DGKI: variants seen among roughly 807,000 people sequenced by gnomAD.
DGKI encodes diacylglycerol kinase iota, also known as DAG kinase iota.
Under a neutral mutation model 147.5 loss-of-function variants are expected in DGKI, and 55 were observed. The observed-to-expected ratio is 0.37, with a 90% CI of 0.30 to 0.47. DGKI has a LOEUF of 0.47. Ranked by LOEUF, DGKI falls within the 20% of genes least tolerant of loss-of-function variation. DGKI has a pLI of 1.00. For synonymous variants in DGKI, 469 were observed against 477.1 expected (o/e 0.98, Z 0.22); for missense variants, 1,007 against 1,323.8 (o/e 0.76, Z 3.71).
At chr7:137,841,587 T>G (rs940679048) in intron 1 of DGKI, among the ~76,000 whole-genome samples, 2 of 152,226 alleles carry the variant, frequency 1.3e-5, no homozygotes, top group Admixed American at 6.5e-5. Context: ...CACATACCCA[T>G]GGAAGAAAGC....
intron 6 of DGKI, among the ~76,000 whole-genome samples, chr7:137,631,412 A>G (rs1290131132): frequency 6.6e-6 from 1 of 152,074 alleles, no homozygotes; most frequent in Non-Finnish European, 1.5e-5. Flanking sequence ...TACTACATCT[A>G]CTCTTCCCAG....
intron 1 of DGKI, among the ~76,000 whole-genome samples, chr7:137,839,144 C>T (rs183385668): frequency 7.2e-5 from 11 of 152,286 alleles, no homozygotes; most frequent in African/African-American, 2.4e-4. Flanking sequence ...CTGATTCCTC[C>T]GCACACTGAC....
intron 20 of DGKI, among the ~76,000 whole-genome samples, chr7:137,531,745 T>A (rs1313393254): frequency 2.0e-5 from 3 of 152,212 alleles, no homozygotes; most frequent in Non-Finnish European, 4.4e-5. Context: ...ACCGATAAAT[T>A]CACTTTCGTT....
At chr7:137,589,276 A>T (rs1189104442) in intron 12 of DGKI, among the ~76,000 whole-genome samples, 1 of 152,244 alleles carries the variant, frequency 6.6e-6, no homozygotes, top group Non-Finnish European at 1.5e-5. Flanking sequence ...TTTCTCCTCC[A>T]CAAAGGTGAC....
At chr7:137,533,340 C>G (rs1043443025) in intron 20 of DGKI, among the ~76,000 whole-genome samples, 1 of 151,676 alleles carries the variant, frequency 6.6e-6, no homozygotes, top group Middle Eastern at 3.4e-3. Flanking sequence ...GAAGGAGAAA[C>G]AAACACAAAA....
chr7:137,726,155 G>T (rs1388898631), intron 1 of DGKI, among the ~76,000 whole-genome samples: 3 of 152,028 alleles, frequency 2.0e-5, no homozygotes, highest in Non-Finnish European at 4.4e-5. Context: ...CTCAGGCAAT[G>T]GTCCTTTTCT....
intron 21 of DGKI, among the ~76,000 whole-genome samples, chr7:137,517,626 G>C (rs1448694786): frequency 6.6e-6 from 1 of 152,086 alleles, no homozygotes; most frequent in Non-Finnish European, 1.5e-5. Flanking sequence ...GAGAAAAACT[G>C]GGGGAGGAAT....
intron 14 of DGKI, among the ~76,000 whole-genome samples, chr7:137,584,061 A>G (rs1330747592): frequency 6.6e-6 from 1 of 152,160 alleles, no homozygotes; most frequent in East Asian, 1.9e-4. Flanking sequence ...ATGCTAATAA[A>G]TGGGTGTTGG....
intron 1 of DGKI, among the ~76,000 whole-genome samples, chr7:137,730,895 C>T (rs932187028): frequency 1.3e-5 from 2 of 152,048 alleles, no homozygotes; most frequent in African/African-American, 4.8e-5. Flanking sequence ...ACCTATCTCA[C>T]ACAAGTATCT....
intron 3 of DGKI, among the ~76,000 whole-genome samples, chr7:137,666,643 C>T (rs536729913): frequency 6.6e-6 from 1 of 152,278 alleles, no homozygotes; most frequent in South Asian, 2.1e-4. Flanking sequence ...TCAAATGATA[C>T]TAACAAACTG....
chr7:137,413,918 C>T (rs939607066), intron 28 of DGKI, among the ~76,000 whole-genome samples: 8 of 152,194 alleles, frequency 5.3e-5, no homozygotes, highest in African/African-American at 1.9e-4. Flanking sequence ...TAAGCATTCC[C>T]TTTTCCCCAC....
intron 30 of DGKI, among the ~76,000 whole-genome samples, chr7:137,400,877 G>T (rs1811727623): frequency 6.6e-6 from 1 of 152,190 alleles, no homozygotes; most frequent in Admixed American, 6.5e-5. Flanking sequence ...TCTGAACACT[G>T]GCCAAGAAGA....
At position 137,521,943 on chromosome 7, in the gene DGKI, A is replaced by G. The variant is rs749922562; in HGVS notation, c.2171T>C (p.Leu724Pro). ...ACTGATTTTGTTCACCCGGATCCTC[A>G]GACGATCTGGGACAGACTGGGGACT... ...LNDPQSVPDR[L>P]RIRVNKISLQ... is the part of the protein sequence containing the mutation. Residue 724 changes from leucine to proline, a missense_variant, in exon 21 of 33, where the codon CTG becomes CCG. Physicochemically the swap from Leu to Pro is moderately conservative, Grantham distance 98. This residue lies in a region of DGKI where 385 missense variants were observed against 445.2 expected (regional missense o/e 0.86). Coordinates refer to ENST00000614521, the MANE Select transcript of DGKI (RefSeq NM_001321708.2). 1.2e-6 allele frequency: 2 copies of G among 1,611,718 alleles called. No homozygotes were observed. The highest frequency in any genetic ancestry group is 1.7e-6 in the Non-Finnish European group (2 of 1,178,596).
At chr7:137,482,020 G>A (rs1346735773) in intron 23 of DGKI, among the ~76,000 whole-genome samples, 1 of 151,664 alleles carries the variant, frequency 6.6e-6, no homozygotes, top group East Asian at 1.9e-4. Context: ...CTCCCACCGG[G>A]ACAAACTAGG....
chr7:137,499,948 C>T (rs974207264), intron 21 of DGKI, among the ~76,000 whole-genome samples: 1 of 152,110 alleles, frequency 6.6e-6, no homozygotes, highest in Non-Finnish European at 1.5e-5. Context: ...GAAAGAGAGC[C>T]CACACCAGAC....
At chr7:137,647,695 C>T (rs150734059) in intron 5 of DGKI, among the ~76,000 whole-genome samples, 74 of 152,342 alleles carry the variant, frequency 4.9e-4, no homozygotes, top group Admixed American at 1.1e-3. Flanking sequence ...GGACCCTCTA[C>T]CTCTTTACTT....
intron 1 of DGKI, among the ~76,000 whole-genome samples, chr7:137,696,548 G>A (rs756929062): frequency 7.1e-6 from 1 of 140,146 alleles, no homozygotes; most frequent in African/African-American, 2.7e-5. Flanking sequence ...ATTCCCAAGT[G>A]TAACTTTCCT....
rs1259753658 is a variant in DGKI, at chr7:137,487,653, C to G, written c.2285G>C (p.Cys762Ser). The change falls in exon 22 of 33, where the codon TGT (cysteine) becomes TCT (serine). Residue 762 changes from cysteine (C) to serine (S), a missense_variant. By Grantham distance (112) the Cys-to-Ser change is moderately radical. Around this residue, in one of 5 missense-constraint regions of DGKI, gnomAD observed 385 missense variants for 445.2 expected, o/e 0.86. Transcript: ENST00000614521. ...GTACATACGGCAAGTCTCCAAATCA[C>G]AGTCTCCACGCACAACTAGAATACC... is the stretch of plus-strand genomic sequence containing the variant. ...PLGILVVRGD[C>S]DLETCRMYID... 6.2e-7 allele frequency: 1 copy of G among 1,613,812 alleles called. No individual in the cohort carries two copies. Among genetic ancestry groups the G allele is most frequent in the Non-Finnish European group, 8.5e-7 (1 of 1,179,760 alleles).
At chr7:137,571,452 C>CA (rs1818790706) in intron 18 of DGKI, among the ~76,000 whole-genome samples, 166 bp from the exon 19 acceptor site, 1 of 152,198 alleles carries the variant, frequency 6.6e-6, no homozygotes, top group Non-Finnish European at 1.5e-5. Flanking sequence ...TTATCATCTA[C>CA]AAAATACCAA....
Sources: gnomAD v4.1 joint callset for allele counts (sites outside exome capture counted in the v4.1 genomes callset) on GRCh38, gnomAD v4.1.1 for gene constraint, gnomAD v4.1.1 regional missense constraint, MANE v1.5 for transcripts, NCBI Gene and HGNC (gene_info 2026-07-23, HGNC 2026-07-21) for gene names.